Variants in ADAM15 observed in about 807,000 individuals in gnomAD.
ADAM15 encodes the protein disintegrin and metalloproteinase domain-containing protein 15.
ADAM15 carries 77 observed loss-of-function variants against 113.8 expected under a neutral mutation model. The ratio of observed to expected loss-of-function variants is 0.68; its 90% CI spans 0.56 to 0.82. ADAM15 has a LOEUF of 0.82. ADAM15 is among the 40% of genes least tolerant of loss of function. ADAM15 has a pLI of 0.00. For missense variants in ADAM15, 963 were observed against 1,120.1 expected (o/e 0.86, Z 2.00); for synonymous variants, 388 against 454.1 (o/e 0.85, Z 1.85).
Position 155,056,426 on chromosome 1 carries a change from C to T in ADAM15, c.955C>T (p.Gln319Ter), listed in dbSNP as rs774321354. 2 of 1,614,132 alleles carry T rather than the reference C, an allele frequency of 1.2e-6. No individual in the cohort carries two copies. Among genetic ancestry groups the T allele is most frequent in the Admixed American group, 3.3e-5 (2 of 60,028 alleles). ...TGGGCCTACGGTGGGCATGGCCATT[C>T]AGAACTCCATCTGTTCTCCTGACTT... The part of the protein sequence containing the change: ...FSGPTVGMAI[Q>*]NSICSPDFSG... Residue 319 changes from glutamine to a stop codon, truncating the protein, a stop_gained, in exon 10 of 23, where the codon CAG becomes TAG. Coordinates refer to ENST00000356955, the MANE Select transcript of ADAM15 (RefSeq NM_207197.3). LOFTEE classifies it high-confidence loss of function. The surrounding 1 kb of genome is among the most constrained non-coding windows in gnomAD (Gnocchi z 4.0).
Position 155,052,771 on chromosome 1 carries a change from G to T in ADAM15, c.180G>T (p.Val60=). ...QDDLPISLKK[V]LQTSLPEPLR... ...ATCTCCCAATTAGCCTCAAAAAGGT[G>T]CTTCAGGTGAGCTCTCACTCCCCTC... Residue 60 remains valine (V), a synonymous_variant, in exon 2 of 23, where the codon GTG becomes GTT. Transcript: ENST00000356955. The T allele has an allele frequency of 6.2e-7, 1 of 1,610,332 alleles. No individual in the cohort carries two copies. Among genetic ancestry groups the T allele is most frequent in the Non-Finnish European group, 8.5e-7 (1 of 1,178,494 alleles).
Position 155,062,534 on chromosome 1 carries a change from G to C in ADAM15, c.*32G>C. On this transcript the variant is annotated 3_prime_UTR_variant, in exon 23 of 23. Transcript: ENST00000356955. The surrounding 1 kb of genome is among the most constrained non-coding windows in gnomAD (Gnocchi z 7.0). ...CGGAGGTTCCGCTGCCTCCAAGCCG[G>C]ACTTAGGGCTTCAAGAGGCGGGCGT... is the stretch of plus-strand genomic sequence containing the variant. 6.2e-7 allele frequency: 1 copy of C among 1,610,514 alleles called. No homozygotes were observed. Among genetic ancestry groups the C allele is most frequent in the Non-Finnish European group, 8.5e-7 (1 of 1,178,728 alleles).
Position 155,062,578 on chromosome 1 carries a change from C to T in ADAM15, c.*76C>T. On this transcript the variant is annotated 3_prime_UTR_variant, in exon 23 of 23. Transcript: ENST00000356955. This position sits in a 1 kb window ranked among gnomAD's most constrained non-coding sequence, Gnocchi z 7.0. ...CGGGCGTGCCCTCTGGAGTCCCCTA[C>T]CATGACTGAAGGCGCCAGAGACTGG... The T allele has an allele frequency of 1.3e-6, 2 of 1,560,524 alleles. No homozygotes were observed. The highest frequency in any genetic ancestry group is 1.7e-6 in the Non-Finnish European group (2 of 1,147,662).
chr1:155,062,021 G>A lies in ADAM15; in HGVS notation c.2424+46G>A. 1 of 1,502,806 alleles carries A rather than the reference G, an allele frequency of 6.7e-7. No individual in the cohort carries two copies. Among genetic ancestry groups the A allele is most frequent in the Non-Finnish European group, 8.9e-7 (1 of 1,124,656 alleles). 93.1% of individuals were successfully genotyped at this position (1,502,806 alleles called of 1,614,324 possible). A position where few individuals can be genotyped will look rare whatever the true frequency, so the allele number is the denominator to read the frequency against. ...GGGCACGGCCTCTCCCCCCACCTAG[G>A]GCTGTGGTGCTGGTAGCCATGACGG... is the stretch of plus-strand genomic sequence containing the variant. On this transcript the variant is annotated intron_variant, in intron 21 of 22. Transcript: ENST00000356955. The surrounding 1 kb of genome is among the most constrained non-coding windows in gnomAD (Gnocchi z 7.0).
At position 155,062,395 on chromosome 1, in the gene ADAM15, G is replaced by C. The variant is rs542003951; in HGVS notation, c.2549+26G>C. 3 of 1,608,250 alleles carry C rather than the reference G, an allele frequency of 1.9e-6. No individual in the cohort carries two copies. The highest frequency in any genetic ancestry group is 2.5e-6 in the Non-Finnish European group (3 of 1,177,988). On this transcript the variant is annotated intron_variant, in intron 22 of 22. Coordinates refer to ENST00000356955, the MANE Select transcript of ADAM15 (RefSeq NM_207197.3). This position sits in a 1 kb window ranked among gnomAD's most constrained non-coding sequence, Gnocchi z 7.0. ...GTAGGAGGAGCCCTGGGCATGGGTG[G>C]GCGGGGCGAGTGACCTGGGGGAAAG... is the stretch of plus-strand genomic sequence containing the variant.
Position 155,058,920 on chromosome 1 carries a change from G to C in ADAM15, c.1995+133G>C, listed in dbSNP as rs1356947942. 1 of 1,241,116 alleles carries C rather than the reference G, an allele frequency of 8.1e-7. No homozygotes were observed. Among genetic ancestry groups the C allele is most frequent in the African/African-American group, 1.5e-5 (1 of 65,472 alleles). The allele number at this position is 1,241,116 out of a possible 1,614,324, so 76.9% of individuals were successfully genotyped here. ...CTTCCCAGTTGTGTGACCTCGGGCA[G>C]GTTACTAACTTTGCTGAGCTCAGTT... On this transcript the variant is annotated intron_variant, in intron 16 of 22. Coordinates refer to ENST00000356955, the MANE Select transcript of ADAM15 (RefSeq NM_207197.3). The surrounding 1 kb of genome is among the most constrained non-coding windows in gnomAD (Gnocchi z 4.3).
chr1:155,052,195 T>G, intron 1 of ADAM15: 1 of 321,148 alleles, frequency 3.1e-6, no homozygotes. Flanking sequence ...TGACTGGGCA[T>G]GAGGGTGTTT....
Position 155,057,087 on chromosome 1 carries a change from G to A in ADAM15, c.1134G>A (p.Met378Ile), listed in dbSNP as rs1217386609. The A allele has an allele frequency of 6.4e-7, 1 of 1,573,866 alleles. No homozygotes were observed. Among genetic ancestry groups the A allele is most frequent in the East Asian group, 2.3e-5 (1 of 44,406 alleles). ...PGPAPAKTCI[M>I]EASTDFLPGL... is the part of the protein sequence containing the mutation. Reference sequence around the variant, plus strand: ...CAGCCCCAGCCAAGACCTGCATCATGGAGGCCTCCACAGAGTAAGTAGCTG... The same window carrying A: ...CAGCCCCAGCCAAGACCTGCATCATAGAGGCCTCCACAGAGTAAGTAGCTG... The change falls in exon 11 of 23, where the codon ATG (methionine) becomes ATA (isoleucine). Residue 378 changes from methionine (M) to isoleucine (I), a missense_variant. By Grantham distance (10) the Met-to-Ile change is conservative. Coordinates refer to ENST00000356955, the MANE Select transcript of ADAM15 (RefSeq NM_207197.3). The surrounding 1 kb of genome is among the most constrained non-coding windows in gnomAD (Gnocchi z 5.0).
At position 155,062,718 on chromosome 1, in the gene ADAM15, AAGGTCCGC is replaced by A; in HGVS notation, c.*218_*225del. 1.6e-6 allele frequency: 1 copy of A among 623,222 alleles called. No homozygotes were observed. Among genetic ancestry groups the A allele is most frequent in the Admixed American group, 2.9e-5 (1 of 33,910 alleles). The allele number at this position is 623,222 out of a possible 1,614,324, so 38.6% of individuals were successfully genotyped here. A position where few individuals can be genotyped will look rare whatever the true frequency, so the allele number is the denominator to read the frequency against. Reference sequence around the variant, plus strand: ...GGCTGGGGGTTGGACGGGATTGAGGAAGGTCCGCACAGCCTGTCTCTGCTCAGTTGCAA... The same window carrying A: ...GGCTGGGGGTTGGACGGGATTGAGGAACAGCCTGTCTCTGCTCAGTTGCAA... On this transcript the variant is annotated 3_prime_UTR_variant, in exon 23 of 23. Transcript: ENST00000356955. This position sits in a 1 kb window ranked among gnomAD's most constrained non-coding sequence, Gnocchi z 7.0.
chr1:155,052,530 G>A (rs1370389264), intron 1 of ADAM15, 141 bp from the exon 2 acceptor site: 1 of 1,547,448 alleles, frequency 6.5e-7, no homozygotes, highest in Admixed American at 2.0e-5. Flanking sequence ...TCTTCTTTAA[G>A]TCTCAGCATG....
intron 1 of ADAM15, 25 bp downstream of exon 1, chr1:155,051,490 C>A (rs760856681): frequency 2.0e-6 from 3 of 1,517,912 alleles, no homozygotes; most frequent in South Asian, 1.2e-5. Context: ...TGGAGTGGGT[C>A]GGGGGGCGGA....
At position 155,059,886 on chromosome 1, in the gene ADAM15, G is replaced by T; in HGVS notation, c.1996-16G>T. 6.2e-7 allele frequency: 1 copy of T among 1,613,216 alleles called. No individual in the cohort carries two copies. On this transcript the variant is annotated splice_polypyrimidine_tract_variant and intron_variant, in intron 16 of 22. Transcript: ENST00000356955. The stretch of plus-strand genomic sequence containing the variant: ...CAGAGTGCAGAGCTCCTCATTGCTC[G>T]CCTTGTACCTCCTAGGTCTGTGACA...
Position 155,061,956 on chromosome 1 carries a change from C to G in ADAM15, c.2405C>G (p.Pro802Arg). 1 of 1,588,454 alleles carries G rather than the reference C, an allele frequency of 6.3e-7. No homozygotes were observed. Among genetic ancestry groups the G allele is most frequent in the Non-Finnish European group, 8.6e-7 (1 of 1,164,592 alleles). The change falls in exon 21 of 23, where the codon CCG (proline) becomes CGG (arginine). Residue 802 changes from proline to arginine, a missense_variant. Physicochemically the swap from Pro to Arg is moderately radical, Grantham distance 103. Transcript: ENST00000356955. The stretch of plus-strand genomic sequence containing the variant: ...CCTACCCGCCCTCTGCCCGCTGACC[C>G]GGTGGTGAGAAGCCCGAAGGTAACG... ...NPPTRPLPAD[P>R]VVRSPKSQGP...
At position 155,057,696 on chromosome 1, in the gene ADAM15, T is replaced by A. The variant is rs1419956269; in HGVS notation, c.1383T>A (p.Cys461Ter). The A allele has an allele frequency of 6.2e-7, 1 of 1,614,154 alleles. No individual in the cohort carries two copies. The change falls in exon 13 of 23, where the codon TGT (cysteine) becomes TGA (stop). Residue 461 changes from cysteine (C) to a stop codon, truncating the protein, a stop_gained. Transcript: ENST00000356955. LOFTEE classifies it high-confidence loss of function. This position sits in a 1 kb window ranked among gnomAD's most constrained non-coding sequence, Gnocchi z 5.0. Reference protein sequence around the residue: ...LTCQLRPGAQCASDGPCCQNC... With the variant: ...LTCQLRPGAQ ...GCCAGCTGAGGCCAGGTGCACAGTG[T>A]GCATCTGACGGACCCTGTTGTCAAA... is the stretch of plus-strand genomic sequence containing the variant.
Position 155,062,509 on chromosome 1 carries a change from C to G in ADAM15, c.*7C>G. ...GTCCTCGCTCTACCTCTGACCTCTC[C>G]GGAGGTTCCGCTGCCTCCAAGCCGG... On this transcript the variant is annotated 3_prime_UTR_variant, in exon 23 of 23. Coordinates refer to ENST00000356955, the MANE Select transcript of ADAM15 (RefSeq NM_207197.3). The surrounding 1 kb of genome is among the most constrained non-coding windows in gnomAD (Gnocchi z 7.0). 1.2e-6 allele frequency: 2 copies of G among 1,612,724 alleles called. No individual in the cohort carries two copies. Among genetic ancestry groups the G allele is most frequent in the Non-Finnish European group, 1.7e-6 (2 of 1,179,736 alleles).
Position 155,054,245 on chromosome 1 carries a change from A to G in ADAM15, c.419+19A>G. The G allele has an allele frequency of 1.3e-6, 2 of 1,588,520 alleles. No individual in the cohort carries two copies. The highest frequency in any genetic ancestry group is 1.7e-6 in the Non-Finnish European group (2 of 1,169,522). On this transcript the variant is annotated intron_variant, in intron 5 of 22. Transcript: ENST00000356955. ...GGCTCAGGTATACTGGGCGGATTTAATGACAGTAGAGAAAGTAAGGAGACC... is the reference window on the plus strand; with the variant it reads ...GGCTCAGGTATACTGGGCGGATTTAGTGACAGTAGAGAAAGTAAGGAGACC...
chr1:155,053,844 C>T, intron 3 of ADAM15, 66 bp from the exon 4 acceptor site: 1 of 1,569,554 alleles, frequency 6.4e-7, no homozygotes, highest in Non-Finnish European at 8.7e-7. Flanking sequence ...ACCTTCAAGC[C>T]TCTGCTTGTC....
intron 2 of ADAM15, among the ~76,000 whole-genome samples, chr1:155,053,107 ACCCC>A (rs5777934): frequency 9.8e-6 from 1 of 102,294 alleles, no homozygotes; most frequent in Non-Finnish European, 1.9e-5. Context: ...ACCTTACCAA[ACCCC>A]CCCCCCCCCA....
chr1:155,057,192 C>G lies in ADAM15; in HGVS notation c.1153C>G (p.Leu385Val), dbSNP rs1369745105. ...CTTCCTTGCCACCCTCCCCAGCTTCCTACCAGGCCTGAACTTCAGCAACTG... is the reference window on the plus strand; with the variant it reads ...CTTCCTTGCCACCCTCCCCAGCTTCGTACCAGGCCTGAACTTCAGCAACTG... ...TCIMEASTDF[L>V]PGLNFSNCSR... The change falls in exon 12 of 23, where the codon CTA becomes GTA. Residue 385 changes from leucine (L) to valine (V), a missense_variant. Coordinates refer to ENST00000356955, the MANE Select transcript of ADAM15 (RefSeq NM_207197.3). This position sits in a 1 kb window ranked among gnomAD's most constrained non-coding sequence, Gnocchi z 5.0. 6.2e-7 allele frequency: 1 copy of G among 1,610,810 alleles called. No homozygotes were observed. Among genetic ancestry groups the G allele is most frequent in the Non-Finnish European group, 8.5e-7 (1 of 1,177,294 alleles).
Sources: allele counts gnomAD v4.1 joint callset (sites outside exome capture counted in the v4.1 genomes callset), GRCh38; gene constraint gnomAD v4.1.1; non-coding constraint Gnocchi (gnomAD v3.1); transcripts MANE v1.5; gene names NCBI Gene and HGNC (gene_info 2026-07-23, HGNC 2026-07-21).